The following SERINC5 variants were observed in gnomAD, a reference collection of about 807,000 sequenced individuals.
SERINC5 encodes serine incorporator 5, also known as chromosome 5 open reading frame 12.
A neutral mutation model predicts 63.1 loss-of-function variants in SERINC5; 41 were observed. The observed-to-expected ratio is 0.65, with a 90% CI of 0.51 to 0.84. The LOEUF (loss-of-function observed/expected upper bound fraction) is 0.84, where lower values mean the gene tolerates loss of function less well. SERINC5 is among the 40% of genes least tolerant of loss of function. SERINC5 has a pLI of 0.00. For missense variants in SERINC5, 523 were observed against 573.0 expected (o/e 0.91, Z 0.89); for synonymous variants, 222 against 215.2 (o/e 1.03, Z -0.28).
chr5:80,244,388 G>A (rs1252578550), intron 1 of SERINC5, among the ~76,000 whole-genome samples: 1 of 150,554 alleles, frequency 6.6e-6, no homozygotes, highest in Non-Finnish European at 1.5e-5. Context: ...GCTAATTTTT[G>A]TATTTTTAGT....
intron 2 of SERINC5, among the ~76,000 whole-genome samples, chr5:80,189,711 T>C (rs1338690842): frequency 1.3e-5 from 2 of 152,166 alleles, no homozygotes; most frequent in East Asian, 1.9e-4. Flanking sequence ...AGTTTCTTTT[T>C]TTTTCTTTTC....
intron 8 of SERINC5, among the ~76,000 whole-genome samples, chr5:80,151,260 T>C (rs892425833): frequency 6.6e-6 from 1 of 152,222 alleles, no homozygotes; most frequent in Non-Finnish European, 1.5e-5. Flanking sequence ...TACAATAGTT[T>C]TCTAATTTCA....
intron 4 of SERINC5, among the ~76,000 whole-genome samples, chr5:80,176,630 G>A (rs762309650): frequency 2.0e-4 from 31 of 151,984 alleles, no homozygotes; most frequent in African/African-American, 7.5e-4. Context: ...ATGAGGTTTC[G>A]CCATGTTGGC....
rs1747935450 is a variant in SERINC5, at chr5:80,174,981, T to C, written c.524A>G (p.Glu175Gly). Residue 175 changes from glutamate to glycine, a missense_variant, in exon 5 of 12, where the codon GAG becomes GGG. Transcript: ENST00000507668. ...FIGIQLLLLV[E>G]FAHKWNKNWT... ...GTTCTTGTTCCACTTATGTGCAAAC[T>C]CCACGAGCAGGAGGAGCTGGATGCC... 6.2e-7 allele frequency: 1 copy of C among 1,602,394 alleles called. No individual in the cohort carries two copies. The highest frequency in any genetic ancestry group is 8.5e-7 in the Non-Finnish European group (1 of 1,174,406).
At chr5:80,200,818 G>C (rs907577716) in intron 2 of SERINC5, among the ~76,000 whole-genome samples, 3 of 137,642 alleles carry the variant, frequency 2.2e-5, no homozygotes, top group African/African-American at 8.2e-5. Context: ...TTCAGGCCAG[G>C]CATGGTGGCT....
chr5:80,190,677 G>T (rs574955435), intron 2 of SERINC5, among the ~76,000 whole-genome samples: 1 of 152,280 alleles, frequency 6.6e-6, no homozygotes, highest in South Asian at 2.1e-4. Context: ...TATTTTCATG[G>T]TTAATTCGGA....
intron 1 of SERINC5, among the ~76,000 whole-genome samples, chr5:80,207,244 G>A (rs79874144): frequency 0.021 from 3,172 of 152,198 alleles, 115 homozygotes; most frequent in African/African-American, 0.073. Flanking sequence ...GTAATCCGCC[G>A]TCTCGGCCTC....
intron 2 of SERINC5, among the ~76,000 whole-genome samples, chr5:80,188,930 A>G (rs1749006541): frequency 6.6e-6 from 1 of 152,146 alleles, no homozygotes; most frequent in African/African-American, 2.4e-5. Context: ...CCTGTCTCAG[A>G]AAAATAGATA....
rs144694254 is a variant in SERINC5, at chr5:80,245,827, C to T, written c.27+10069G>A. On this transcript the variant is annotated intron_variant, in intron 1 of 11. Transcript: ENST00000507668. ...ACGGGGCTTCACCATGTTGGCCAGGCTGGTGTCCAACTCCTGACCTCAGGT... is the reference window on the plus strand; with the variant it reads ...ACGGGGCTTCACCATGTTGGCCAGGTTGGTGTCCAACTCCTGACCTCAGGT... Among the ~76,000 whole-genome samples, 875 of 151,920 alleles carry T rather than the reference C, an allele frequency of 5.8e-3. 4 individuals carry two copies. The highest frequency in any genetic ancestry group is 9.5e-3 in the Non-Finnish European group (642 of 67,934).
At chr5:80,125,963 T>C (rs1744732693) in intron 11 of SERINC5, among the ~76,000 whole-genome samples, 1 of 152,236 alleles carries the variant, frequency 6.6e-6, no homozygotes, top group Non-Finnish European at 1.5e-5. Context: ...CCTGCAAACC[T>C]AGACTCACGC....
intron 2 of SERINC5, among the ~76,000 whole-genome samples, chr5:80,190,741 G>C (rs902438839): frequency 2.0e-5 from 3 of 152,180 alleles, no homozygotes; most frequent in African/African-American, 7.2e-5. Flanking sequence ...TTCCCCAAAA[G>C]ATAGGACTCT....
At position 80,124,842 on chromosome 5, in the gene SERINC5, G is replaced by A. The variant is rs1489640394; in HGVS notation, c.1239-11217C>T. Among the ~76,000 whole-genome samples, 8 of 152,074 alleles carry A rather than the reference G, an allele frequency of 5.3e-5. No homozygotes were observed. The East Asian group carries it at 1.5e-3, about 29-fold the overall frequency. On this transcript the variant is annotated intron_variant, in intron 11 of 12. Coordinates refer to the SERINC5 transcript ENST00000509193. ...CATCCTTGACCAATTTACTAACAGT[G>A]CCCAACTCCCACCCAGGGTGGGGAG...
At position 80,139,219 on chromosome 5, in the gene SERINC5, TA is replaced by T; in HGVS notation, c.*4443del. The T allele has an allele frequency of 1.0e-6, 1 of 977,486 alleles. No individual in the cohort carries two copies. The highest frequency in any genetic ancestry group is 1.2e-6 in the Non-Finnish European group (1 of 822,688). The allele number at this position is 977,486 out of a possible 1,614,324, so 60.6% of individuals were successfully genotyped here. On this transcript the variant is annotated 3_prime_UTR_variant, in exon 12 of 12. Transcript: ENST00000507668. ...CAAAGTTATATCTATAAAACTTTTG[TA>T]GTTTTCTTTTTGCAAAGTAAAAAGG...
intron 2 of SERINC5, among the ~76,000 whole-genome samples, chr5:80,193,181 A>G (rs1365411343): frequency 6.6e-6 from 1 of 152,256 alleles, no homozygotes; most frequent in African/African-American, 2.4e-5. Context: ...ATCAAGTCAC[A>G]GAATCATCCT....
intron 7 of SERINC5, among the ~76,000 whole-genome samples, chr5:80,164,477 G>A (rs2112366596): frequency 6.6e-6 from 1 of 152,126 alleles, no homozygotes; most frequent in South Asian, 2.1e-4. Context: ...AACCTCTGGG[G>A]CTCCAGTGAT....
chr5:80,124,727 T>G (rs1744678252), intron 11 of SERINC5, among the ~76,000 whole-genome samples: 1 of 152,134 alleles, frequency 6.6e-6, no homozygotes, highest in African/African-American at 2.4e-5. Context: ...CCTGTGCTTA[T>G]CTCGTCACCT....
downstream of SERINC5, among the ~76,000 whole-genome samples, chr5:80,137,161 A>AC (rs910002696): frequency 8.0e-5 from 5 of 62,562 alleles, no homozygotes; most frequent in Admixed American, 6.2e-4. Flanking sequence ...AAAAAAAAAA[A>AC]AACAAAAAAA....
chr5:80,182,254 C>T (rs115543862), intron 2 of SERINC5, among the ~76,000 whole-genome samples: 2,049 of 152,214 alleles, frequency 0.013, 31 homozygotes, highest in Non-Finnish European at 0.02. Context: ...CTGACCTTGG[C>T]GTCACTCACA....
Position 80,122,762 on chromosome 5 carries a change from C to A in SERINC5, c.1239-9137G>T, listed in dbSNP as rs562628833. ...TGCCATTGCTGCTTGAAGATGGCAGCACCACGTGAGAAGGAATACCTCAAG... is the reference window on the plus strand; with the variant it reads ...TGCCATTGCTGCTTGAAGATGGCAGAACCACGTGAGAAGGAATACCTCAAG... On this transcript the variant is annotated intron_variant, in intron 11 of 12. Transcript: ENST00000509193. 8.5e-5 allele frequency among the ~76,000 whole-genome samples: 13 copies of A among 152,324 alleles called. No individual in the cohort carries two copies. The East Asian group carries it at 9.6e-4, about 11-fold the overall frequency.
Sources: allele counts gnomAD v4.1 joint callset (sites outside exome capture counted in the v4.1 genomes callset), GRCh38; gene constraint gnomAD v4.1.1; transcripts MANE v1.5; gene names NCBI Gene and HGNC (gene_info 2026-07-23, HGNC 2026-07-21).